RADX: variants seen among roughly 807,000 people sequenced by gnomAD.
RADX encodes the protein RPA1 related single stranded DNA binding protein, X-linked.
A neutral mutation model predicts 61.6 loss-of-function variants in RADX; 36 were observed. The observed-to-expected ratio is 0.58, with a 90% CI of 0.45 to 0.77. The LOEUF is 0.77. Among genes scored for constraint, RADX ranks in the 30% least tolerant of loss-of-function variants. The probability of loss-of-function intolerance (pLI) is 0.00; values close to 1 mark genes in which losing one functional copy is unlikely to be tolerated. For missense variants in RADX, 497 were observed against 651.1 expected (o/e 0.76, Z 2.58); for synonymous variants, 272 against 237.9 (o/e 1.14, Z -1.32).
intron 1 of RADX, among the ~76,000 whole-genome samples, chrX:106,614,000 T>C (rs980550725): frequency 6.3e-5 from 7 of 111,996 alleles, no homozygotes; most frequent in African/African-American, 2.3e-4. Flanking sequence ...CAAAAGGCAA[T>C]GTCTGTATGC....
chrX:106,633,296 G>C (rs1017776303), intron 6 of RADX, 44 bp downstream of exon 6: 1 of 1,095,379 alleles, frequency 9.1e-7, no homozygotes, highest in African/African-American at 1.9e-5. Context: ...GGAAGTAGGA[G>C]AATTAACTTT....
chrX:106,638,194 C>G (rs916108789), intron 8 of RADX: 1 of 233,180 alleles, frequency 4.3e-6, no homozygotes, highest in African/African-American at 2.9e-5. Flanking sequence ...CAGATGATAA[C>G]CAACTGGAGA....
intron 1 of RADX, among the ~76,000 whole-genome samples, chrX:106,621,428 G>A (rs1400984962): frequency 1.8e-5 from 2 of 111,853 alleles, no homozygotes; most frequent in East Asian, 2.8e-4. Flanking sequence ...AGAAATACTC[G>A]TACTAATGCA....
In RADX at chrX:106,640,667, C is replaced by G; in HGVS notation, c.1850C>G (p.Thr617Arg). ...TCTCAGTATTTCCAAACTACATCTA[C>G]AAATTTAAGTCTGAGCAATAAAATA... Reference protein sequence around the residue: ...VNSQYFQTTSTNLSLSNKIRI... With the variant: ...VNSQYFQTTSRNLSLSNKIRI... The change falls in exon 10 of 14, where the codon ACA (threonine) becomes AGA (arginine). Residue 617 changes from threonine to arginine, a missense_variant. Thr to Arg is a moderately conservative substitution (Grantham distance 71, BLOSUM62 -1). Around this residue, in one of 3 missense-constraint regions of RADX, gnomAD observed 267 missense variants for 306.9 expected, o/e 0.87. Transcript: ENST00000372548. 8.3e-7 allele frequency: 1 copy of G among 1,199,649 alleles called. No homozygotes were observed. The highest frequency in any genetic ancestry group is 1.1e-6 in the Non-Finnish European group (1 of 886,527).
At chrX:106,622,839 ATAGCTT>A in intron 2 of RADX, 46 bp downstream of exon 2, 1 of 810,173 alleles carries the variant, frequency 1.2e-6, no homozygotes, top group Non-Finnish European at 1.7e-6. Context: ...GTTATAAATT[ATAGCTT>A]ACACACCTCA....
chrX:106,669,187 A>C lies in RADX; in HGVS notation c.2294A>C (p.Asp765Ala). The C allele has an allele frequency of 8.3e-7, 1 of 1,206,071 alleles. No individual in the cohort carries two copies. Among genetic ancestry groups the C allele is most frequent in the Non-Finnish European group, 1.1e-6 (1 of 890,836 alleles). ...GGTCTGAACCATGAGATAGCAATCG[A>C]TGTTGCTTTCCTACCCATGTATTGT... Reference protein sequence around the residue: ...ILGLNHEIAIDVAFLPMYCPE... With the variant: ...ILGLNHEIAIAVAFLPMYCPE... The change falls in exon 13 of 14, where the codon GAT becomes GCT. Residue 765 changes from aspartate (D) to alanine (A), a missense_variant. Physicochemically the swap from Asp to Ala is moderately radical, Grantham distance 126. This residue lies in a region of RADX where 267 missense variants were observed against 306.9 expected (regional missense o/e 0.87). Transcript: ENST00000372548.
Position 106,637,722 on chromosome X carries a change from A to G in RADX, c.1409-38A>G, listed in dbSNP as rs201583560. The stretch of plus-strand genomic sequence containing the variant: ...TACAGATTGTTACAGTGACATTTTT[A>G]TTTCTCATTTTTTATGATTTACCCT... On this transcript the variant is annotated intron_variant, in intron 7 of 13. Coordinates refer to ENST00000372548, the MANE Select transcript of RADX (RefSeq NM_018015.6). The G allele has an allele frequency of 1.6e-4, 171 of 1,090,582 alleles. 1 individual carries two copies. Among genetic ancestry groups the G allele is most frequent in the Non-Finnish European group, 1.9e-4 (159 of 826,470 alleles). 89.9% of individuals were successfully genotyped at this position (1,090,582 alleles called of 1,213,427 possible). A position where few individuals can be genotyped will look rare whatever the true frequency, so the allele number is the denominator to read the frequency against.
At chrX:106,677,476 C>T (rs1179897394) in intron 13 of RADX, among the ~76,000 whole-genome samples, 5 of 107,965 alleles carry the variant, frequency 4.6e-5, no homozygotes, top group Admixed American at 2.0e-4. Context: ...ACTCGTTACT[C>T]TGCCATGTCA....
At chrX:106,639,488 G>C in intron 8 of RADX, 39 bp from the exon 9 acceptor site, 1 of 1,069,521 alleles carries the variant, frequency 9.3e-7, no homozygotes, top group Non-Finnish European at 1.2e-6. Flanking sequence ...TATCATTTCA[G>C]TTCTTTAAAA....
In RADX at chrX:106,659,507, CTAAG is replaced by C. The variant is rs201608168; in HGVS notation, c.1979-2504_1979-2501del. ...TGTAAAATATAAAAATATAATTTTG[CTAAG>C]TAATTAACCTATATTTTAGCTATGC... On this transcript the variant is annotated intron_variant, in intron 11 of 13. Transcript: ENST00000372548. Among the ~76,000 whole-genome samples the C allele has an allele frequency of 8.8e-3, 978 of 110,582 alleles. 2 individuals carry two copies. The highest frequency in any genetic ancestry group is 0.014 in the Non-Finnish European group (745 of 52,764).
In RADX at chrX:106,633,158, C is replaced by T. The variant is rs1603042532; in HGVS notation, c.1209C>T (p.Arg403=). 1 of 1,203,255 alleles carries T rather than the reference C, an allele frequency of 8.3e-7. No homozygotes were observed. Among genetic ancestry groups the T allele is most frequent in the East Asian group, 3.0e-5 (1 of 33,773 alleles). The change falls in exon 6 of 14, where the codon CGC becomes CGT. Residue 403 remains arginine (R), a synonymous_variant. Coordinates refer to ENST00000372548, the MANE Select transcript of RADX (RefSeq NM_018015.6). The part of the protein sequence containing the change: ...KENREDFWSY[R]WIHIADGTSE... ...ACCGTGAAGATTTTTGGTCATATCG[C>T]TGGATTCACATTGCTGACGGTACTT...
chrX:106,628,819 GA>G (rs1470294537), intron 3 of RADX, among the ~76,000 whole-genome samples: 13 of 110,285 alleles, frequency 1.2e-4, no homozygotes, highest in African/African-American at 4.3e-4. Flanking sequence ...ATTTTTAGTA[GA>G]GACAGGGTTT....
intron 11 of RADX, among the ~76,000 whole-genome samples, chrX:106,660,874 A>G (rs1463580114): frequency 8.9e-6 from 1 of 111,967 alleles, no homozygotes; most frequent in Non-Finnish European, 1.9e-5. Context: ...ATTTACGAAG[A>G]AAAGAGGTTT....
chrX:106,616,228 G>A (rs1352020477), intron 1 of RADX, among the ~76,000 whole-genome samples: 2 of 111,391 alleles, frequency 1.8e-5, no homozygotes, highest in Non-Finnish European at 3.8e-5. Context: ...AAAGTTGTAC[G>A]TAGTAATCTA....
chrX:106,616,334 T>G (rs547799155), intron 1 of RADX, among the ~76,000 whole-genome samples: 2 of 111,839 alleles, frequency 1.8e-5, no homozygotes, highest in South Asian at 7.5e-4. Context: ...AGAAGTTTAT[T>G]AGTCTTATTG....
At chrX:106,638,905 G>A (rs1360034956) in intron 8 of RADX, among the ~76,000 whole-genome samples, 2 of 111,074 alleles carry the variant, frequency 1.8e-5, no homozygotes, top group Admixed American at 1.9e-4. Flanking sequence ...CTTGTGGAAT[G>A]ATATATATTG....
At chrX:106,644,825 T>C (rs1025282615) in intron 10 of RADX, among the ~76,000 whole-genome samples, 1 of 111,188 alleles carries the variant, frequency 9.0e-6, no homozygotes, top group Non-Finnish European at 1.9e-5. Flanking sequence ...TTTTTTTGAA[T>C]AGTTTGAGTA....
intron 10 of RADX, among the ~76,000 whole-genome samples, chrX:106,646,806 A>C (rs766065806): frequency 1.8e-5 from 2 of 111,668 alleles, no homozygotes; most frequent in African/African-American, 3.2e-5. Context: ...TTGAACAAAG[A>C]AAATGTAAAA....
chrX:106,620,205 A>AT (rs1259049019), intron 1 of RADX, among the ~76,000 whole-genome samples: 1 of 112,225 alleles, frequency 8.9e-6, no homozygotes, highest in Non-Finnish European at 1.9e-5. Context: ...TACTAACAAG[A>AT]TTTGCAGAAA....
Sources: gnomAD v4.1 joint callset for allele counts (sites outside exome capture counted in the v4.1 genomes callset) on GRCh38, gnomAD v4.1.1 for gene constraint, gnomAD v4.1.1 regional missense constraint, MANE v1.5 for transcripts, NCBI Gene and HGNC (gene_info 2026-07-23, HGNC 2026-07-21) for gene names.